PACS2: variants seen among roughly 807,000 people sequenced by gnomAD.
PACS2 encodes PACS1-like protein.
PACS2 carries 36 observed loss-of-function variants against 113.0 expected under a neutral mutation model. The ratio of observed to expected loss-of-function variants is 0.32; its 90% CI spans 0.24 to 0.42. PACS2 has a LOEUF of 0.42. PACS2 is among the 10% of genes least tolerant of loss of function. The pLI, the probability that PACS2 is intolerant of heterozygous loss-of-function variation, is 1.00. For synonymous variants in PACS2, 589 were observed against 536.1 expected (o/e 1.10, Z -1.36); for missense variants, 1,015 against 1,239.5 (o/e 0.82, Z 2.72).
intron 19 of PACS2, 87 bp from the exon 20 acceptor site, chr14:105,389,860 GCCCCAGGGCTGCGC>G (rs1357199575): frequency 1.8e-6 from 2 of 1,082,138 alleles, no homozygotes; most frequent in South Asian, 1.2e-5. Context: ...CAGGGCCGCG[GCCCCAGGGCTGCGC>G]CAGGTTCTCA....
intron 23 of PACS2, 42 bp downstream of exon 23, chr14:105,392,887 C>T (rs376850045): frequency 4.1e-6 from 6 of 1,476,352 alleles, no homozygotes; most frequent in African/African-American, 2.8e-5. Flanking sequence ...CGCAGAAGGG[C>T]GGCTCTGTGG....
intron 10 of PACS2, 110 bp downstream of exon 10, chr14:105,379,939 G>A (rs2080921706): frequency 4.5e-6 from 6 of 1,343,322 alleles, no homozygotes; most frequent in Non-Finnish European, 6.3e-6. Flanking sequence ...CAGCTGTCCT[G>A]GAGCCACTCT....
At chr14:105,353,375 C>T (rs1384193000) in intron 3 of PACS2, among the ~76,000 whole-genome samples, 3 of 91,342 alleles carry the variant, frequency 3.3e-5, no homozygotes, top group African/African-American at 4.8e-5. Flanking sequence ...GGGGTGATGG[C>T]CCCCCCTCAT....
chr14:105,310,664 G>A (rs79175087), upstream of PACS2, among the ~76,000 whole-genome samples: 3,271 of 152,178 alleles, frequency 0.021, 93 homozygotes, highest in African/African-American at 0.067. Context: ...AGGACGGGGC[G>A]CAGCCCCAGC....
intron 1 of PACS2, among the ~76,000 whole-genome samples, chr14:105,337,691 C>G (rs1289863012): frequency 6.6e-6 from 1 of 152,192 alleles, no homozygotes; most frequent in African/African-American, 2.4e-5. Flanking sequence ...AAGTGGTCTC[C>G]AAACCCCAGG....
intron 2 of PACS2, among the ~76,000 whole-genome samples, chr14:105,351,872 T>C (rs1198833965): frequency 6.6e-6 from 1 of 152,056 alleles, no homozygotes; most frequent in Non-Finnish European, 1.5e-5. Flanking sequence ...AAAAAATGCT[T>C]TAAGCCAAGC....
chr14:105,345,363 C>T lies in PACS2; in HGVS notation c.120-3130C>T, dbSNP rs587655910. On this transcript the variant is annotated intron_variant, in intron 1 of 24. Transcript: ENST00000447393. ...CGGAGCTTGCAGTGAGCTGAGATCA[C>T]GCCACCGCACTCCAGCCTGGGCAAC... Among the ~76,000 whole-genome samples the T allele has an allele frequency of 2.2e-4, 34 of 152,088 alleles. No individual in the cohort carries two copies. The East Asian group carries it at 5.6e-3, about 25-fold the overall frequency.
At chr14:105,367,625 C>T (rs1393717581) in intron 5 of PACS2, among the ~76,000 whole-genome samples, 15 of 152,254 alleles carry the variant, frequency 9.9e-5, no homozygotes, top group Non-Finnish European at 2.2e-4. Context: ...CCTGAGTGTC[C>T]TCAAAAAGGA....
At position 105,340,106 on chromosome 14, in the gene PACS2, A is replaced by G. The variant is rs2059669346; in HGVS notation, c.120-8387A>G. The stretch of plus-strand genomic sequence containing the variant: ...GGAGTATTTTCCTTAGCAGATACAA[A>G]TTTATTTAAATTAGCTATGCTAGTT... On this transcript the variant is annotated intron_variant, in intron 1 of 24. Transcript: ENST00000447393. This position sits in a 1 kb window ranked among gnomAD's most constrained non-coding sequence, Gnocchi z 4.2. Among the ~76,000 whole-genome samples, 1 of 152,222 alleles carries G rather than the reference A, an allele frequency of 6.6e-6. No individual in the cohort carries two copies. The highest frequency in any genetic ancestry group is 1.5e-5 in the Non-Finnish European group (1 of 68,048).
At position 105,330,995 on chromosome 14, in the gene PACS2, G is replaced by T. The variant is rs1595590838; in HGVS notation, c.119+15958G>T. ...TTTTTTGAGACAGAGTCATCCTGTTGCCCAGGCTGGAGTGCAGTGGCACAA... is the reference window on the plus strand; with the variant it reads ...TTTTTTGAGACAGAGTCATCCTGTTTCCCAGGCTGGAGTGCAGTGGCACAA... On this transcript the variant is annotated intron_variant, in intron 1 of 24. Transcript: ENST00000447393. This position sits in a 1 kb window ranked among gnomAD's most constrained non-coding sequence, Gnocchi z 6.9. Among the ~76,000 whole-genome samples, 1 of 150,638 alleles carries T rather than the reference G, an allele frequency of 6.6e-6. No individual in the cohort carries two copies. The highest frequency in any genetic ancestry group is 1.9e-4 in the East Asian group (1 of 5,130).
intron 1 of PACS2, among the ~76,000 whole-genome samples, chr14:105,334,798 G>T (rs1303144586): frequency 3.3e-5 from 5 of 152,248 alleles, no homozygotes; most frequent in African/African-American, 1.2e-4. Context: ...CAGATGGGAT[G>T]CAGCTCATAA....
intron 1 of PACS2, among the ~76,000 whole-genome samples, chr14:105,328,644 C>T (rs940132161): frequency 3.9e-5 from 6 of 152,188 alleles, no homozygotes; most frequent in Non-Finnish European, 7.4e-5. Context: ...CCCAGCAGCC[C>T]GAGTCTTGGC....
chr14:105,335,984 C>T (rs945465816), intron 1 of PACS2, among the ~76,000 whole-genome samples: 9 of 152,184 alleles, frequency 5.9e-5, no homozygotes, highest in Non-Finnish European at 1.3e-4. Flanking sequence ...GATGGCAGGG[C>T]GTGGGCTGAG....
intron 1 of PACS2, among the ~76,000 whole-genome samples, chr14:105,328,946 G>A (rs771761045): frequency 6.6e-5 from 10 of 152,192 alleles, no homozygotes; most frequent in Non-Finnish European, 1.2e-4. Context: ...ATTGTAATTC[G>A]GAGCTGCACA....
chr14:105,368,394 C>T (rs1286522891), intron 6 of PACS2, 65 bp from the exon 7 acceptor site: 1 of 1,289,454 alleles, frequency 7.8e-7, no homozygotes, highest in East Asian at 2.3e-5. Flanking sequence ...CACGCTGAGG[C>T]TGGCAGGGTC....
chr14:105,389,698 T>C (rs957259602), intron 19 of PACS2: 1 of 533,212 alleles, frequency 1.9e-6, no homozygotes. Context: ...CTCCTGACCA[T>C]GGGTGCACAG....
chr14:105,311,420 C>T (rs760684886), upstream of PACS2, among the ~76,000 whole-genome samples: 1 of 151,954 alleles, frequency 6.6e-6, no homozygotes, highest in Non-Finnish European at 1.5e-5. Context: ...TGCCCAGGTA[C>T]GTTTTTGTAT....
chr14:105,367,184 C>T, intron 4 of PACS2, 29 bp from the exon 5 acceptor site: 1 of 1,602,574 alleles, frequency 6.2e-7, no homozygotes, highest in Non-Finnish European at 8.5e-7. Flanking sequence ...CGTCGTGCTG[C>T]TTTCTAGAAC....
intron 1 of PACS2, among the ~76,000 whole-genome samples, chr14:105,333,490 A>G (rs994742453): frequency 7.9e-5 from 12 of 152,190 alleles, no homozygotes; most frequent in Non-Finnish European, 1.6e-4. Flanking sequence ...TCTCGGCAGA[A>G]GGTTCTGGCT....
Sources: gnomAD v4.1 joint callset for allele counts (sites outside exome capture counted in the v4.1 genomes callset) on GRCh38, gnomAD v4.1.1 for gene constraint, Gnocchi (gnomAD v3.1) non-coding constraint, MANE v1.5 for transcripts, NCBI Gene and HGNC (gene_info 2026-07-23, HGNC 2026-07-21) for gene names.